ETV3: variants seen among roughly 807,000 people sequenced by gnomAD.
ETV3 encodes ETS variant transcription factor 3, also known as ETS translocation variant 3.
A neutral mutation model predicts 33.0 loss-of-function variants in ETV3; 8 were observed. The observed-to-expected ratio is 0.24, with a 90% CI of 0.14 to 0.44. The LOEUF is 0.44. Among genes scored for constraint, ETV3 ranks in the 20% least tolerant of loss-of-function variants. The pLI is 1.00. For missense variants in ETV3, 473 were observed against 652.3 expected (o/e 0.73, Z 2.99); for synonymous variants, 222 against 238.9 (o/e 0.93, Z 0.65).
At chr1:157,129,602 G>C (rs758464447) in intron 4 of ETV3, among the ~76,000 whole-genome samples, 19 of 152,186 alleles carry the variant, frequency 1.2e-4, no homozygotes, top group Non-Finnish European at 2.1e-4. Flanking sequence ...AGAACAGATG[G>C]ATGACCTTGC....
chr1:157,124,759 C>G lies in ETV3; in HGVS notation c.*82G>C. ...AATGATCAAACCAGTTTAACTCCCT[C>G]CCCCCCACCCTGAAATCTTGCTACA... On this transcript the variant is annotated 3_prime_UTR_variant, in exon 5 of 5. Transcript: ENST00000368192. 1 of 209,926 alleles carries G rather than the reference C, an allele frequency of 4.8e-6. No homozygotes were observed. The highest frequency in any genetic ancestry group is 1.0e-5 in the Non-Finnish European group (1 of 99,334). 13.0% of individuals were successfully genotyped at this position (209,926 alleles called of 1,614,324 possible).
chr1:157,136,169 C>CA, intron 2 of ETV3, 138 bp downstream of exon 2: 1 of 831,494 alleles, frequency 1.2e-6, no homozygotes, highest in Non-Finnish European at 2.0e-6. Context: ...AACAAGCCTA[C>CA]AACTGTCCTG....
rs769291117 is a variant in ETV3, at chr1:157,125,609, A to C, written c.771T>G (p.Gly257=). The change falls in exon 5 of 5, where the codon GGT becomes GGG. Residue 257 remains glycine, a synonymous_variant. Transcript: ENST00000368192. The surrounding 1 kb of genome is among the most constrained non-coding windows in gnomAD (Gnocchi z 4.0). ...CTGGTGAAATGGGGACATTAAGGAC[A>C]CCTCCGCGGCCAGGGATTGGAGAGA... ...FAVSPIPGRG[G]VLNVPISPAL... 1 of 1,551,534 alleles carries C rather than the reference A, an allele frequency of 6.4e-7. No individual in the cohort carries two copies. Among genetic ancestry groups the C allele is most frequent in the Non-Finnish European group, 8.7e-7 (1 of 1,146,952 alleles).
Position 157,125,548 on chromosome 1 carries a change from G to T in ETV3, c.832C>A (p.Pro278Thr). 1 of 1,551,990 alleles carries T rather than the reference G, an allele frequency of 6.4e-7. No homozygotes were observed. Among genetic ancestry groups the T allele is most frequent in the Non-Finnish European group, 8.7e-7 (1 of 1,147,062 alleles). The stretch of plus-strand genomic sequence containing the variant: ...GTGAAAGGGCTCAGGCCTGGTGATG[G>T]GCTATAGGAGAAGATGGTGGGAGTC... ...SLTPTIFSYS[P>T]SPGLSPFTSS... Residue 278 changes from proline (P) to threonine (T), a missense_variant, in exon 5 of 5, where the codon CCA becomes ACA. Around this residue, in one of 3 missense-constraint regions of ETV3, gnomAD observed 410 missense variants for 520.2 expected, o/e 0.79. Coordinates refer to ENST00000368192, the MANE Select transcript of ETV3 (RefSeq NM_001145312.3). The surrounding 1 kb of genome is among the most constrained non-coding windows in gnomAD (Gnocchi z 4.0).
rs1219577247 is a variant in ETV3 at position 157,135,575 on chromosome 1, C to T, written c.180G>A (p.Glu60=). ...GATCCTTGATGACAAATTCCCCGTA[C>T]TCTCCCTGCTGCCAGGCGATGACAT... ...FRHVIAWQQG[E]YGEFVIKDPD... The change falls in exon 3 of 5, where the codon GAG becomes GAA. Residue 60 remains glutamate (E), a synonymous_variant. Transcript: ENST00000368192. 1.9e-6 allele frequency: 3 copies of T among 1,614,052 alleles called. No homozygotes were observed. Among genetic ancestry groups the T allele is most frequent in the South Asian group, 2.2e-5 (2 of 91,080 alleles).
intron 3 of ETV3, 101 bp downstream of exon 3, chr1:157,135,368 AGT>A: frequency 7.5e-7 from 1 of 1,329,740 alleles, no homozygotes; most frequent in Non-Finnish European, 1.1e-6. Context: ...TCACTAAGAT[AGT>A]GTAGTCTTTT....
At chr1:157,135,189 C>A in intron 3 of ETV3, 1 of 546,502 alleles carries the variant, frequency 1.8e-6, no homozygotes, top group Non-Finnish European at 3.2e-6. Context: ...CATGTTTCAC[C>A]ATATACTCTC....
rs373185009 is a variant in ETV3, at chr1:157,125,756, G to A, written c.624C>T (p.Pro208=). The change falls in exon 5 of 5, where the codon CCC becomes CCT. Residue 208 remains proline, a synonymous_variant. Transcript: ENST00000368192. The surrounding 1 kb of genome is among the most constrained non-coding windows in gnomAD (Gnocchi z 4.0). ...CACCAATGGCATTCCTGGAGGACAC[G>A]GGATCCACACCCCGGCGCCAGTCAG... ...SAADWRRGVD[P]VSSRNAIGGG... is the part of the protein sequence containing the mutation. 3.9e-5 allele frequency: 60 copies of A among 1,551,514 alleles called. No individual in the cohort carries two copies. The African/African-American group carries it at 4.5e-4, about 12-fold the overall frequency.
chr1:157,135,759 A>C, intron 2 of ETV3, 51 bp from the exon 3 acceptor site: 5 of 1,533,168 alleles, frequency 3.3e-6, no homozygotes, highest in Non-Finnish European at 4.5e-6. Flanking sequence ...AGGTACATAC[A>C]TACCAGCAAC....
In ETV3 at chr1:157,124,768, C is replaced by CCCT; in HGVS notation, c.*72_*73insAGG. 3.5e-6 allele frequency: 2 copies of CCCT among 571,378 alleles called. No individual in the cohort carries two copies. Among genetic ancestry groups the CCCT allele is most frequent in the Non-Finnish European group, 2.6e-6 (1 of 377,828 alleles). The allele number at this position is 571,378 out of a possible 1,614,324, so 35.4% of individuals were successfully genotyped here. A position where few individuals can be genotyped will look rare whatever the true frequency, so the allele number is the denominator to read the frequency against. On this transcript the variant is annotated 3_prime_UTR_variant, in exon 5 of 5. Transcript: ENST00000368192. ...ACCAGTTTAACTCCCTCCCCCCCACCCTGAAATCTTGCTACATAAATACAT... is the reference window on the plus strand; with the variant it reads ...ACCAGTTTAACTCCCTCCCCCCCACCCCTCTGAAATCTTGCTACATAAATACAT...
At chr1:157,127,329 T>C (rs1196253318) in intron 4 of ETV3, among the ~76,000 whole-genome samples, 1 of 152,244 alleles carries the variant, frequency 6.6e-6, no homozygotes, top group Non-Finnish European at 1.5e-5. Flanking sequence ...ATTCCTGATA[T>C]ACAATCACTG....
rs555640826 is a variant in ETV3, at chr1:157,134,407, C to T, written c.285-180G>A. Among the ~76,000 whole-genome samples the T allele has an allele frequency of 1.6e-3, 249 of 152,322 alleles. 1 individual carries two copies. Among genetic ancestry groups the T allele is most frequent in the Non-Finnish European group, 2.9e-3 (196 of 68,022 alleles). ...GAGACCTAACAGCTTAATTTTCTTA[C>T]TCAATTTTCAACTCAGCTCGTTTTT... On this transcript the variant is annotated intron_variant, in intron 3 of 4. Transcript: ENST00000368192.
rs887512064 is a variant in ETV3 at position 157,125,895 on chromosome 1, T to C, written c.485A>G (p.Asn162Ser). Residue 162 changes from asparagine (N) to serine (S), a missense_variant, in exon 5 of 5, where the codon AAT becomes AGT. Asn to Ser is a conservative substitution (Grantham distance 46, BLOSUM62 1). This residue lies in a region of ETV3 where 410 missense variants were observed against 520.2 expected (regional missense o/e 0.79). Coordinates refer to ENST00000368192, the MANE Select transcript of ETV3 (RefSeq NM_001145312.3). The surrounding 1 kb of genome is among the most constrained non-coding windows in gnomAD (Gnocchi z 4.0). ...AGAGAACCGTCCCGGCTGCACATCA[T>C]TGGTTGGAGAATGGGTGTCCAGAGG... ...FPPLDTHSPT[N>S]DVQPGRFSAS... 19 of 1,551,512 alleles carry C rather than the reference T, an allele frequency of 1.2e-5. No individual in the cohort carries two copies. The African/African-American group carries it at 1.4e-4, about 11-fold the overall frequency.
chr1:157,137,565 A>G (rs1218346909), intron 1 of ETV3, among the ~76,000 whole-genome samples: 1 of 151,192 alleles, frequency 6.6e-6, no homozygotes, highest in Non-Finnish European at 1.5e-5. Context: ...CGAGATACAT[A>G]ATAACGAGGC....
rs1674730150 is a variant in ETV3 at position 157,122,653 on chromosome 1, C to T, written c.*2188G>A. Reference sequence around the variant, plus strand: ...CTGAGTTCATACCAACACCTGCTAGCTCTCCCCTCTAGCGGACAGTGGGTG... The same window carrying T: ...CTGAGTTCATACCAACACCTGCTAGTTCTCCCCTCTAGCGGACAGTGGGTG... On this transcript the variant is annotated 3_prime_UTR_variant, in exon 5 of 5. Transcript: ENST00000368192. The T allele has an allele frequency of 1.3e-5, 2 of 152,166 alleles. 1 individual carries two copies. The highest frequency in any genetic ancestry group is 4.1e-4 in the South Asian group (2 of 4,830). The allele number at this position is 152,166 out of a possible 1,614,324, so 9.4% of individuals were successfully genotyped here.
At chr1:157,126,104 CCA>C (rs1218861061) in intron 4 of ETV3, 125 bp from the exon 5 acceptor site, 6 of 844,816 alleles carry the variant, frequency 7.1e-6, no homozygotes, top group African/African-American at 6.9e-5. Context: ...GGACTGAATC[CCA>C]CAGTTCTCCA....
chr1:157,123,177 A>T lies in ETV3; in HGVS notation c.*1664T>A, dbSNP rs963841627. On this transcript the variant is annotated 3_prime_UTR_variant, in exon 5 of 5. Transcript: ENST00000368192. The stretch of plus-strand genomic sequence containing the variant: ...TCTGTGCCACCCTTCCTCTCATCGG[A>T]TATGGAGTGATTTCTTCTCTCGCTG... 6.6e-6 allele frequency: 1 copy of T among 152,196 alleles called. No homozygotes were observed. Among genetic ancestry groups the T allele is most frequent in the South Asian group, 2.1e-4 (1 of 4,836 alleles). 9.4% of individuals were successfully genotyped at this position (152,196 alleles called of 1,614,324 possible).
intron 4 of ETV3, among the ~76,000 whole-genome samples, chr1:157,132,507 G>A (rs1298385063): frequency 1.3e-5 from 2 of 152,204 alleles, no homozygotes; most frequent in Non-Finnish European, 2.9e-5. Flanking sequence ...AGAAGAACAA[G>A]ACGAATGAAA....
At chr1:157,127,538 T>G (rs970327137) in intron 4 of ETV3, among the ~76,000 whole-genome samples, 5 of 151,114 alleles carry the variant, frequency 3.3e-5, no homozygotes, top group Non-Finnish European at 7.4e-5. Context: ...GCTACTTATG[T>G]CAACTTTTTT....
Sources: allele counts gnomAD v4.1 joint callset (sites outside exome capture counted in the v4.1 genomes callset), GRCh38; gene constraint gnomAD v4.1.1; regional missense constraint gnomAD v4.1.1; non-coding constraint Gnocchi (gnomAD v3.1); transcripts MANE v1.5; gene names NCBI Gene and HGNC (gene_info 2026-07-23, HGNC 2026-07-21).